Variants in MAEA observed in about 807,000 individuals in gnomAD.
MAEA encodes macrophage erythroblast attacher, E3 ubiquitin ligase, also known as E3 ubiquitin-protein transferase MAEA.
In MAEA, 22 loss-of-function variants were observed where a neutral mutation model predicts 46.2. The ratio of observed to expected loss-of-function variants is 0.48; its 90% CI spans 0.34 to 0.68. The LOEUF (loss-of-function observed/expected upper bound fraction) is 0.68, where lower values mean the gene tolerates loss of function less well. Ranked by LOEUF, MAEA falls within the 30% of genes least tolerant of loss-of-function variation. MAEA has a pLI of 0.01. For synonymous variants in MAEA, 246 were observed against 222.6 expected, an observed-to-expected ratio of 1.11 and a Z score of -0.94; for missense variants, 393 against 558.1, an observed-to-expected ratio of 0.70 and a Z score of 2.98.
At chr4:1,292,761 TGAG>T (rs1352711303) in intron 1 of MAEA, among the ~76,000 whole-genome samples, 3 of 152,166 alleles carry the variant, frequency 2.0e-5, no homozygotes, top group Non-Finnish European at 4.4e-5. Flanking sequence ...GTGTGGCTCA[TGAG>T]GACTCAGCCT....
chr4:1,327,728 C>A (rs2335937), intron 5 of MAEA, 25 bp downstream of exon 5: 194,667 of 1,604,780 alleles, frequency 0.12, 13,702 homozygotes, highest in African/African-American at 0.29. Flanking sequence ...CGTGCGTCTC[C>A]TCGAGGGAGG....
At chr4:1,315,941 T>C (rs1415672668) in intron 3 of MAEA, among the ~76,000 whole-genome samples, 1 of 125,202 alleles carries the variant, frequency 8.0e-6, no homozygotes, top group African/African-American at 3.0e-5. Flanking sequence ...GGTGAGGGCC[T>C]CCTCCCCAGC....
intron 3 of MAEA, among the ~76,000 whole-genome samples, chr4:1,319,163 G>C (rs1737689428): frequency 6.6e-6 from 1 of 152,196 alleles, no homozygotes; most frequent in Non-Finnish European, 1.5e-5. Context: ...ACCAGCCTGG[G>C]CAGCAAAGTG....
intron 1 of MAEA, among the ~76,000 whole-genome samples, chr4:1,301,414 G>A (rs961820709): frequency 6.6e-6 from 1 of 152,208 alleles, no homozygotes; most frequent in African/African-American, 2.4e-5. Context: ...TTTAACATTC[G>A]CTAAGTAGAG....
Position 1,332,603 on chromosome 4 carries a change from G to T in MAEA, c.657-154G>T. 2 of 581,338 alleles carry T rather than the reference G, an allele frequency of 3.4e-6. 1 individual carries two copies. Among genetic ancestry groups the T allele is most frequent in the South Asian group, 4.0e-5 (2 of 49,826 alleles). 36.0% of individuals were successfully genotyped at this position (581,338 alleles called of 1,614,324 possible). A position where few individuals can be genotyped will look rare whatever the true frequency, so the allele number is the denominator to read the frequency against. On this transcript the variant is annotated intron_variant, in intron 5 of 8. Coordinates refer to ENST00000303400, the MANE Select transcript of MAEA (RefSeq NM_001017405.3). ...GTGGTGCTGCACATCTGCGGTCTCAGCTTCTCGGGAAGATCGCCTGAGCCT... is the reference window on the plus strand; with the variant it reads ...GTGGTGCTGCACATCTGCGGTCTCATCTTCTCGGGAAGATCGCCTGAGCCT...
At position 1,315,554 on chromosome 4, in the gene MAEA, G is replaced by A; in HGVS notation, c.410G>A (p.Gly137Asp). The A allele has an allele frequency of 6.2e-7, 1 of 1,613,690 alleles. No individual in the cohort carries two copies. Among genetic ancestry groups the A allele is most frequent in the Non-Finnish European group, 8.5e-7 (1 of 1,179,934 alleles). Residue 137 changes from glycine to aspartate, a missense_variant, in exon 3 of 9, where the codon GGC becomes GAC. By Grantham distance (94) the Gly-to-Asp change is moderately conservative. Around this residue, in one of 2 missense-constraint regions of MAEA, gnomAD observed 358 missense variants for 537.9 expected, o/e 0.67. Coordinates refer to ENST00000303400, the MANE Select transcript of MAEA (RefSeq NM_001017405.3). ...RMMVEHLLRC[G>D]YYNTAVKLAR... Reference sequence around the variant, plus strand: ...ATGGTGGAGCACCTGCTGCGTTGCGGCTACTACAACACGGCTGTCAAGCTG... The same window carrying A: ...ATGGTGGAGCACCTGCTGCGTTGCGACTACTACAACACGGCTGTCAAGCTG...
At chr4:1,308,451 G>T (rs907338675) in intron 1 of MAEA, among the ~76,000 whole-genome samples, 1 of 152,198 alleles carries the variant, frequency 6.6e-6, no homozygotes, top group Non-Finnish European at 1.5e-5. Context: ...TTCAGTTCTC[G>T]TGGCCTACTG....
intron 4 of MAEA, among the ~76,000 whole-genome samples, chr4:1,324,153 A>G (rs1387242682): frequency 5.6e-4 from 63 of 112,480 alleles, no homozygotes; most frequent in Middle Eastern, 7.5e-3. Context: ...GTGGATGAGT[A>G]TGTCTGGTGT....
intron 1 of MAEA, among the ~76,000 whole-genome samples, chr4:1,297,336 C>T (rs750136425): frequency 1.6e-4 from 25 of 152,338 alleles, no homozygotes; most frequent in Non-Finnish European, 2.4e-4. Context: ...TGCCGCCCTG[C>T]GTGGCCAGCT....
intron 3 of MAEA, among the ~76,000 whole-genome samples, chr4:1,317,387 T>C (rs1374815742): frequency 6.8e-6 from 1 of 148,128 alleles, no homozygotes; most frequent in Non-Finnish European, 1.5e-5. Context: ...GGCCCCACAC[T>C]CCGGACTCAC....
chr4:1,334,544 A>G (rs574478762), intron 6 of MAEA, among the ~76,000 whole-genome samples: 76 of 152,230 alleles, frequency 5.0e-4, no homozygotes, highest in Non-Finnish European at 9.1e-4. Flanking sequence ...GAAATGCAGG[A>G]AAGGCTGACC....
At chr4:1,308,791 A>G (rs1736088552) in intron 1 of MAEA, among the ~76,000 whole-genome samples, 1 of 152,204 alleles carries the variant, frequency 6.6e-6, no homozygotes, top group Non-Finnish European at 1.5e-5. Context: ...AGGCGTTTTT[A>G]AAAGTGCATT....
chr4:1,337,336 G>GCCTGTGACTGACTCTGCCCTC, intron 7 of MAEA: 1 of 320,544 alleles, frequency 3.1e-6, no homozygotes, highest in South Asian at 2.7e-5. Flanking sequence ...CAAGAACCTT[G>GCCTGTGACTGACTCTGCCCTC]CCTGTGACTG....
At chr4:1,338,683 C>A (rs1432639369) in intron 8 of MAEA, 66 bp downstream of exon 8, 8 of 1,160,586 alleles carry the variant, frequency 6.9e-6, no homozygotes, top group Admixed American at 4.9e-5. Flanking sequence ...CTGTGTGGGA[C>A]GGGCAGGGCA....
intron 2 of MAEA, among the ~76,000 whole-genome samples, chr4:1,315,083 A>G (rs1736961809): frequency 6.6e-6 from 1 of 152,252 alleles, no homozygotes; most frequent in Non-Finnish European, 1.5e-5. Flanking sequence ...AATGATAAAC[A>G]GTTTAACCAG....
chr4:1,300,260 C>T lies in MAEA; in HGVS notation c.69+10278C>T, dbSNP rs146909816. ...GGAAGATTGGCACTAGCAGAGGATG[C>T]CGTGTTTCTGCATGAAAACCGTAAT... On this transcript the variant is annotated intron_variant, in intron 1 of 8. Transcript: ENST00000303400. 3.9e-3 allele frequency among the ~76,000 whole-genome samples: 592 copies of T among 152,258 alleles called. 6 individuals are homozygous for T. Among genetic ancestry groups the T allele is most frequent in the African/African-American group, 0.014 (567 of 41,520 alleles).
chr4:1,294,806 G>C lies in MAEA; in HGVS notation c.69+4824G>C, dbSNP rs571648296. On this transcript the variant is annotated intron_variant, in intron 1 of 8. Coordinates refer to ENST00000303400, the MANE Select transcript of MAEA (RefSeq NM_001017405.3). ...GACAGTGGCAGGGGACGGGGGTGGG[G>C]CCGGGGGCAGGGGCAGGGGCAGGGG... is the stretch of plus-strand genomic sequence containing the variant. 5.5e-5 allele frequency among the ~76,000 whole-genome samples: 8 copies of C among 145,244 alleles called. No individual in the cohort carries two copies. In the South Asian group the frequency reaches 1.8e-3, roughly 32 times the overall value.
At chr4:1,332,418 C>G in intron 5 of MAEA, 1 of 204,318 alleles carries the variant, frequency 4.9e-6, no homozygotes, top group South Asian at 6.5e-5. Context: ...TCAGATTTTT[C>G]AACTTAAAAA....
chr4:1,339,731 G>T lies in MAEA; in HGVS notation c.*562G>T, dbSNP rs964665396. 3.9e-5 allele frequency: 6 copies of T among 155,306 alleles called. No homozygotes were observed. Among genetic ancestry groups the T allele is most frequent in the African/African-American group, 1.4e-4 (6 of 41,484 alleles). The allele number at this position is 155,306 out of a possible 1,614,324, so 9.6% of individuals were successfully genotyped here. On this transcript the variant is annotated 3_prime_UTR_variant, in exon 9 of 9. Coordinates refer to ENST00000303400, the MANE Select transcript of MAEA (RefSeq NM_001017405.3). ...TCGGGGGCTGGCTTCGAGGACGCCCGCCTGCCTCGCGGGTCGTGTCCGCGG... is the reference window on the plus strand; with the variant it reads ...TCGGGGGCTGGCTTCGAGGACGCCCTCCTGCCTCGCGGGTCGTGTCCGCGG...
Sources: allele counts gnomAD v4.1 joint callset (sites outside exome capture counted in the v4.1 genomes callset), GRCh38; gene constraint gnomAD v4.1.1; regional missense constraint gnomAD v4.1.1; transcripts MANE v1.5; gene names NCBI Gene and HGNC (gene_info 2026-07-23, HGNC 2026-07-21).